The following PDCD1LG2 variants were observed in gnomAD, a reference collection of about 807,000 sequenced individuals.
PDCD1LG2 encodes the protein programmed cell death 1 ligand 2, also known as B7 dendritic cell molecule.
Under a neutral mutation model 28.2 loss-of-function variants are expected in PDCD1LG2, and 32 were observed. The ratio of observed to expected loss-of-function variants is 1.13; its 90% CI spans 0.86 to 1.52. The LOEUF (loss-of-function observed/expected upper bound fraction) is 1.52. PDCD1LG2 is among the 40% of genes most tolerant of loss of function. The pLI, the probability that PDCD1LG2 is intolerant of heterozygous loss-of-function variation, is 0.00. For missense variants in PDCD1LG2, 385 were observed against 323.8 expected, an observed-to-expected ratio of 1.19 and a Z score of -1.45; for synonymous variants, 116 against 120.2, an observed-to-expected ratio of 0.97 and a Z score of 0.23.
chr9:5,568,539 A>G lies in PDCD1LG2; in HGVS notation c.817-1415A>G, dbSNP rs1202490994. On this transcript the variant is annotated intron_variant, in intron 6 of 6. Coordinates refer to ENST00000397747, the MANE Select transcript of PDCD1LG2 (RefSeq NM_025239.4). ...CCATGGAAAAATTGTCTTCCCTGAA[A>G]CCAGTCCCTGGTGCCAAAAATGTTG... 3.3e-5 allele frequency among the ~76,000 whole-genome samples: 5 copies of G among 152,270 alleles called. No individual in the cohort carries two copies. The East Asian group carries it at 9.6e-4, about 29-fold the overall frequency.
At chr9:5,568,227 A>C (rs1478952486) in intron 6 of PDCD1LG2, among the ~76,000 whole-genome samples, 1 of 152,212 alleles carries the variant, frequency 6.6e-6, no homozygotes, top group Non-Finnish European at 1.5e-5. Context: ...AAGGCCTCTA[A>C]GGCAGGGGTC....
chr9:5,527,659 C>T (rs1217900363), intron 2 of PDCD1LG2, among the ~76,000 whole-genome samples: 1 of 152,076 alleles, frequency 6.6e-6, no homozygotes, highest in Non-Finnish European at 1.5e-5. Context: ...TTTCATTTCA[C>T]TTGGATAAAT....
intron 1 of PDCD1LG2, among the ~76,000 whole-genome samples, chr9:5,517,016 C>T (rs772032715): frequency 6.6e-6 from 1 of 152,216 alleles, no homozygotes; most frequent in Non-Finnish European, 1.5e-5. Flanking sequence ...GCCTCCCTGG[C>T]CACACCTCCA....
chr9:5,518,767 C>T (rs1424510408), intron 1 of PDCD1LG2, among the ~76,000 whole-genome samples: 1 of 152,140 alleles, frequency 6.6e-6, no homozygotes, highest in Admixed American at 6.5e-5. Flanking sequence ...ATATTTGTTG[C>T]CACATCTTTA....
intron 1 of PDCD1LG2, among the ~76,000 whole-genome samples, chr9:5,519,641 T>C (rs1820236737): frequency 6.6e-6 from 1 of 152,204 alleles, no homozygotes. Flanking sequence ...TTTAAATCTT[T>C]AACACTTCTG....
chr9:5,522,688 G>C, intron 2 of PDCD1LG2, 87 bp downstream of exon 2: 8 of 1,174,420 alleles, frequency 6.8e-6, no homozygotes, highest in Non-Finnish European at 1.0e-5. Flanking sequence ...TGGCCCTCAG[G>C]CTGAGGGCTT....
Position 5,563,173 on chromosome 9 carries a change from A to G in PDCD1LG2, c.778A>G (p.Arg260Gly). Residue 260 changes from arginine to glycine, a missense_variant, in exon 6 of 7, where the codon AGA (arginine) becomes GGA (glycine). By Grantham distance (125) the Arg-to-Gly change is moderately radical. Transcript: ENST00000397747. ...KLYSSKDTTK[R>G]PVTTTKREVN... ...TTTTTCCTTTTCAGACACAACAAAAAGACCTGTCACCACAACAAAGAGGGA... is the reference window on the plus strand; with the variant it reads ...TTTTTCCTTTTCAGACACAACAAAAGGACCTGTCACCACAACAAAGAGGGA... 6.2e-7 allele frequency: 1 copy of G among 1,612,170 alleles called. No individual in the cohort carries two copies.
At chr9:5,562,762 C>T (rs142929431) in intron 5 of PDCD1LG2, among the ~76,000 whole-genome samples, 1 of 152,216 alleles carries the variant, frequency 6.6e-6, no homozygotes, top group Non-Finnish European at 1.5e-5. Flanking sequence ...GTATCAGTCA[C>T]TTATACCTTA....
intron 2 of PDCD1LG2, among the ~76,000 whole-genome samples, chr9:5,528,102 T>A (rs1820413106): frequency 6.6e-6 from 1 of 151,910 alleles, no homozygotes; most frequent in Non-Finnish European, 1.5e-5. Flanking sequence ...AATGCTGGGA[T>A]TACAGGCATG....
chr9:5,570,375 T>C lies in PDCD1LG2; in HGVS notation c.*416T>C. On this transcript the variant is annotated 3_prime_UTR_variant, in exon 7 of 7. Coordinates refer to ENST00000397747, the MANE Select transcript of PDCD1LG2 (RefSeq NM_025239.4). ...ACAGATGGGTTGCCAATAGAGTTAT[T>C]TTTTATCTATAGCTTCCTCTGGGTA... 4.1e-6 allele frequency: 1 copy of C among 245,708 alleles called. No individual in the cohort carries two copies. The highest frequency in any genetic ancestry group is 2.2e-5 in the African/African-American group (1 of 45,822). 15.2% of individuals were successfully genotyped at this position (245,708 alleles called of 1,614,324 possible).
intron 3 of PDCD1LG2, among the ~76,000 whole-genome samples, chr9:5,548,108 C>T (rs1816250270): frequency 6.6e-6 from 1 of 152,108 alleles, no homozygotes; most frequent in Non-Finnish European, 1.5e-5. Flanking sequence ...GGTCATCACA[C>T]ATGGCAATAG....
In PDCD1LG2 at chr9:5,533,657, G is replaced by C. The variant is rs1820524811; in HGVS notation, c.56-1088G>C. On this transcript the variant is annotated intron_variant, in intron 2 of 6. Coordinates refer to ENST00000397747, the MANE Select transcript of PDCD1LG2 (RefSeq NM_025239.4). ...AATAATTTAACTCCCTTTAGGCTTT[G>C]ATTCTGCCTCATCTAAAATCATCTT... Among the ~76,000 whole-genome samples, 5 of 152,098 alleles carry C rather than the reference G, an allele frequency of 3.3e-5. No individual in the cohort carries two copies. The South Asian group carries it at 1.0e-3, about 32-fold the overall frequency.
chr9:5,569,867 A>G lies in PDCD1LG2; in HGVS notation c.817-87A>G. 7.3e-7 allele frequency: 1 copy of G among 1,365,704 alleles called. No individual in the cohort carries two copies. Among genetic ancestry groups the G allele is most frequent in the Non-Finnish European group, 1.0e-6 (1 of 965,380 alleles). The allele number at this position is 1,365,704 out of a possible 1,614,324, so 84.6% of individuals were successfully genotyped here. On this transcript the variant is annotated intron_variant, in intron 6 of 6. Transcript: ENST00000397747. The surrounding 1 kb of genome is among the most constrained non-coding windows in gnomAD (Gnocchi z 4.1). ...CAGCTAGATGAACTTTTTTAAAAAA[A>G]TTAGTTCCTCACTCAAATTTTGGGG...
intron 2 of PDCD1LG2, among the ~76,000 whole-genome samples, chr9:5,528,490 A>G (rs1046867538): frequency 1.2e-4 from 18 of 150,526 alleles, no homozygotes; most frequent in African/African-American, 4.2e-4. Flanking sequence ...AATTTTGTAG[A>G]CATGGGGTCT....
chr9:5,525,942 G>A (rs749344464), intron 2 of PDCD1LG2, among the ~76,000 whole-genome samples: 5 of 151,912 alleles, frequency 3.3e-5, no homozygotes, highest in Non-Finnish European at 7.4e-5. Context: ...AGCTACTCGG[G>A]AGTCTGAGGC....
intron 6 of PDCD1LG2, among the ~76,000 whole-genome samples, chr9:5,567,433 C>A (rs906845939): frequency 1.3e-5 from 2 of 152,156 alleles, no homozygotes; most frequent in Non-Finnish European, 2.9e-5. Flanking sequence ...ACTATTTGGG[C>A]CTAGCCATTC....
chr9:5,549,615 C>T lies in PDCD1LG2; in HGVS notation c.631+11C>T, dbSNP rs2129879190. The T allele has an allele frequency of 2.5e-6, 4 of 1,613,666 alleles. No individual in the cohort carries two copies. Among genetic ancestry groups the T allele is most frequent in the Non-Finnish European group, 3.4e-6 (4 of 1,179,686 alleles). ...GCATTGACCTTCAAAGTAAGAGCTG[C>T]CCCCACTTCCTAGGTCTATCAGTTA... On this transcript the variant is annotated intron_variant, in intron 4 of 6. Transcript: ENST00000397747.
intron 4 of PDCD1LG2, among the ~76,000 whole-genome samples, chr9:5,556,003 C>G (rs902452014): frequency 6.6e-6 from 1 of 152,228 alleles, no homozygotes; most frequent in African/African-American, 2.4e-5. Flanking sequence ...ACAGTCAATT[C>G]AGTGCAACAA....
chr9:5,552,954 A>C (rs1356766354), intron 4 of PDCD1LG2, among the ~76,000 whole-genome samples: 2 of 152,164 alleles, frequency 1.3e-5, no homozygotes, highest in Non-Finnish European at 2.9e-5. Context: ...AAATCAAAAC[A>C]TTAGAGGCTG....
Sources: gnomAD v4.1 joint callset for allele counts (sites outside exome capture counted in the v4.1 genomes callset) on GRCh38, gnomAD v4.1.1 for gene constraint, Gnocchi (gnomAD v3.1) non-coding constraint, MANE v1.5 for transcripts, NCBI Gene and HGNC (gene_info 2026-07-23, HGNC 2026-07-21) for gene names.